Variants in MBNL2 observed in about 807,000 individuals in gnomAD.
The protein encoded by MBNL2 is muscleblind like splicing regulator 2.
MBNL2 carries 17 observed loss-of-function variants against 41.9 expected under a neutral mutation model. The ratio of observed to expected loss-of-function variants is 0.41; its 90% CI spans 0.28 to 0.61. MBNL2 has a LOEUF of 0.61. MBNL2 is among the 20% of genes least tolerant of loss of function. The pLI, the probability that MBNL2 is intolerant of heterozygous loss-of-function variation, is 0.35. For synonymous variants in MBNL2, 195 were observed against 182.9 expected, an observed-to-expected ratio of 1.07 and a Z score of -0.53; for missense variants, 336 against 505.6, an observed-to-expected ratio of 0.66 and a Z score of 3.22.
rs111259993 is a variant in MBNL2 at position 97,228,688 on chromosome 13, C to T, written c.-605+6157C>T. On this transcript the variant is annotated intron_variant, in intron 1 of 8. Coordinates refer to ENST00000679496, the MANE Select transcript of MBNL2 (RefSeq NM_001382683.1). The stretch of plus-strand genomic sequence containing the variant: ...GGGATCACAGGCGTGTGTCACCACA[C>T]CTGGCTAATTTTTGTATTTTTAGTA... 1.7e-3 allele frequency among the ~76,000 whole-genome samples: 259 copies of T among 151,976 alleles called. 1 individual carries two copies. The highest frequency in any genetic ancestry group is 6.2e-3 in the African/African-American group (255 of 41,432).
At chr13:97,368,817 C>T (rs532763559) in intron 8 of MBNL2, among the ~76,000 whole-genome samples, 74 of 151,802 alleles carry the variant, frequency 4.9e-4, no homozygotes, top group Non-Finnish European at 9.3e-4. Context: ...AGGAAGGGTG[C>T]GAGTGGAAAA....
rs893184810 is a variant in MBNL2, at chr13:97,228,741, G to T, written c.-605+6210G>T. On this transcript the variant is annotated intron_variant, in intron 1 of 8. Coordinates refer to ENST00000679496, the MANE Select transcript of MBNL2 (RefSeq NM_001382683.1). ...GACAGGGTTTCACCATATTGGCCAG[G>T]GTAGTCTCGAACTCCTGACCTCAGG... Among the ~76,000 whole-genome samples the T allele has an allele frequency of 1.4e-4, 21 of 151,740 alleles. No individual in the cohort carries two copies. In the East Asian group the frequency reaches 4.1e-3, roughly 30 times the overall value.
At chr13:97,213,988 A>G in the MBNL2 span, among the ~76,000 whole-genome samples, 1 of 152,180 alleles carries the variant, frequency 6.6e-6, no homozygotes, top group African/African-American at 2.4e-5. Context: ...GCAGGCTCAC[A>G]TACTTCCACT....
intron 7 of MBNL2, among the ~76,000 whole-genome samples, chr13:97,363,463 T>TGTGA (rs1491108869): frequency 1.1e-4 from 16 of 144,540 alleles, no homozygotes; most frequent in African/African-American, 3.3e-4. Context: ...TGTGTGTGTG[T>TGTGA]GATCAAAAAT....
intron 1 of MBNL2, among the ~76,000 whole-genome samples, chr13:97,260,129 G>T (rs1447312138): frequency 6.6e-6 from 1 of 152,186 alleles, no homozygotes; most frequent in Non-Finnish European, 1.5e-5. Context: ...TAAGACTGAT[G>T]CAATATTACA....
rs2061871409 is a variant in MBNL2, at chr13:97,346,397, T to C, written c.541-407T>C. Among the ~76,000 whole-genome samples, 1 of 151,780 alleles carries C rather than the reference T, an allele frequency of 6.6e-6. No individual in the cohort carries two copies. The highest frequency in any genetic ancestry group is 1.9e-4 in the East Asian group (1 of 5,182). On this transcript the variant is annotated intron_variant, in intron 4 of 8. Coordinates refer to ENST00000679496, the MANE Select transcript of MBNL2 (RefSeq NM_001382683.1). This position sits in a 1 kb window ranked among gnomAD's most constrained non-coding sequence, Gnocchi z 4.2. ...ATAGATGATTGGATAGATTGATTGA[T>C]GGTAGATGATAGATGAAGGAATGGA...
chr13:97,295,922 A>G lies in MBNL2; in HGVS notation c.174+19513A>G, dbSNP rs374910487. On this transcript the variant is annotated intron_variant, in intron 2 of 8. Transcript: ENST00000679496. The stretch of plus-strand genomic sequence containing the variant: ...CATAACTTTGCATTTACAGTCTCCT[A>G]GGAAACCAACAAAATATATCTGGAT... 5.3e-5 allele frequency among the ~76,000 whole-genome samples: 8 copies of G among 152,216 alleles called. No homozygotes were observed. The East Asian group carries it at 1.5e-3, about 29-fold the overall frequency.
Position 97,314,302 on chromosome 13 carries a change from A to T in MBNL2, c.175-19974A>T, listed in dbSNP as rs74104399. Among the ~76,000 whole-genome samples the T allele has an allele frequency of 2.0e-3, 304 of 152,228 alleles. 2 individuals are homozygous for T. The highest frequency in any genetic ancestry group is 6.8e-3 in the African/African-American group (282 of 41,548). ...CCTCAAATGGCATCCTCCCTTTGAGATCTTCTTTGTTCATCCTATGAAAAC... is the reference window on the plus strand; with the variant it reads ...CCTCAAATGGCATCCTCCCTTTGAGTTCTTCTTTGTTCATCCTATGAAAAC... On this transcript the variant is annotated intron_variant, in intron 2 of 8. Transcript: ENST00000679496.
chr13:97,234,184 T>C (rs764961339), intron 1 of MBNL2, among the ~76,000 whole-genome samples: 13 of 152,176 alleles, frequency 8.5e-5, no homozygotes, highest in Non-Finnish European at 1.6e-4. Context: ...CATGCTGAAA[T>C]GAAATGGGAC....
chr13:97,301,225 G>T (rs1385378520), intron 2 of MBNL2, among the ~76,000 whole-genome samples: 2 of 152,186 alleles, frequency 1.3e-5, no homozygotes, highest in Non-Finnish European at 2.9e-5. Context: ...GCCTGCTACA[G>T]GCTGTGCACT....
chr13:97,381,840 T>G (rs1167260031), intron 8 of MBNL2, among the ~76,000 whole-genome samples: 1 of 151,708 alleles, frequency 6.6e-6, no homozygotes, highest in African/African-American at 2.4e-5. Flanking sequence ...ATGTTACATA[T>G]TATATTAATT....
At chr13:97,371,841 TGGTA>T (rs1463372629) in intron 8 of MBNL2, among the ~76,000 whole-genome samples, 8 of 152,204 alleles carry the variant, frequency 5.3e-5, no homozygotes, top group Non-Finnish European at 8.8e-5. Flanking sequence ...AAATGTCACA[TGGTA>T]GAAAGAGAGA....
chr13:97,333,727 T>A (rs181768631), intron 2 of MBNL2, among the ~76,000 whole-genome samples: 24 of 152,248 alleles, frequency 1.6e-4, no homozygotes, highest in Admixed American at 1.3e-3. Flanking sequence ...ACAAATTTGT[T>A]ACATAATTAT....
At chr13:97,386,051 C>G (rs137882052) in intron 8 of MBNL2, among the ~76,000 whole-genome samples, 5 of 152,304 alleles carry the variant, frequency 3.3e-5, no homozygotes, top group Non-Finnish European at 7.4e-5. Flanking sequence ...ATGACTCAGT[C>G]AAGGGAGGGT....
chr13:97,155,692 C>T, the MBNL2 span, among the ~76,000 whole-genome samples: 7 of 151,778 alleles, frequency 4.6e-5, no homozygotes, highest in Non-Finnish European at 7.4e-5. Context: ...TGATGGTTTC[C>T]AATTTCATCC....
intron 2 of MBNL2, among the ~76,000 whole-genome samples, chr13:97,300,186 T>C (rs1479753719): frequency 6.6e-6 from 1 of 152,126 alleles, no homozygotes; most frequent in Admixed American, 6.6e-5. Flanking sequence ...CACAACCTAC[T>C]GGTGAAAACT....
chr13:97,390,160 C>T (rs2153173583), intron 8 of MBNL2, among the ~76,000 whole-genome samples: 1 of 152,126 alleles, frequency 6.6e-6, no homozygotes, highest in African/African-American at 2.4e-5. Context: ...TTAGTTCTTT[C>T]TCTATTTTTA....
At chr13:97,354,694 T>C (rs1413403627) in intron 5 of MBNL2, among the ~76,000 whole-genome samples, 3 of 152,256 alleles carry the variant, frequency 2.0e-5, no homozygotes, top group Non-Finnish European at 4.4e-5. Context: ...TATTTTTCAT[T>C]GTACTTGGAG....
upstream of MBNL2, among the ~76,000 whole-genome samples, chr13:97,220,801 C>T (rs2040794232): frequency 6.6e-6 from 1 of 152,026 alleles, no homozygotes; most frequent in South Asian, 2.1e-4. Flanking sequence ...ACTGAAGTTT[C>T]AGGAATGGGA....
Sources: gnomAD v4.1 joint callset for allele counts (sites outside exome capture counted in the v4.1 genomes callset) on GRCh38, gnomAD v4.1.1 for gene constraint, Gnocchi (gnomAD v3.1) non-coding constraint, MANE v1.5 for transcripts, NCBI Gene and HGNC (gene_info 2026-07-23, HGNC 2026-07-21) for gene names.